The following TRMT9B variants were observed in gnomAD, a reference collection of about 807,000 sequenced individuals.
The protein encoded by TRMT9B is tRNA methyltransferase 9B (putative).
Under a neutral mutation model 11.5 loss-of-function variants are expected in TRMT9B, and 16 were observed. That is an observed-to-expected ratio of 1.39 (90% CI 0.94 to 2.11). TRMT9B has a LOEUF of 2.11. TRMT9B is among the 30% of genes most tolerant of loss of function. TRMT9B has a pLI of 0.00. For missense variants in TRMT9B, 941 were observed against 553.8 expected, an observed-to-expected ratio of 1.70 and a Z score of -7.02; for synonymous variants, 274 against 192.4, an observed-to-expected ratio of 1.42 and a Z score of -3.51.
At chr8:13,016,092 G>T in intron 4 of TRMT9B, among the ~76,000 whole-genome samples, 1 of 143,136 alleles carries the variant, frequency 7.0e-6, no homozygotes. Flanking sequence ...AAAATCATAT[G>T]GGTATATATA....
chr8:12,992,587 C>G (rs1807559395), intron 2 of TRMT9B, among the ~76,000 whole-genome samples: 1 of 152,026 alleles, frequency 6.6e-6, no homozygotes, highest in South Asian at 2.1e-4. Flanking sequence ...CACAGTGGCT[C>G]ATGCTTGCAA....
At chr8:12,949,926 C>G (rs965245297) in intron 1 of TRMT9B, among the ~76,000 whole-genome samples, 1 of 152,140 alleles carries the variant, frequency 6.6e-6, no homozygotes, top group Admixed American at 6.6e-5. Flanking sequence ...AAGCACAGCT[C>G]ACTGCAACTT....
At chr8:13,009,786 A>G (rs909844644) in intron 3 of TRMT9B, among the ~76,000 whole-genome samples, 19 of 152,208 alleles carry the variant, frequency 1.2e-4, no homozygotes, top group African/African-American at 4.1e-4. Context: ...TAATAGTGCC[A>G]TATTAACATT....
chr8:12,967,661 CT>C (rs1803010487), intron 1 of TRMT9B, among the ~76,000 whole-genome samples: 1 of 152,130 alleles, frequency 6.6e-6, no homozygotes, highest in African/African-American at 2.4e-5. Context: ...TTCAATTTTT[CT>C]TTTTAAGTGA....
At chr8:12,950,537 T>TTTTC (rs59371113) in intron 1 of TRMT9B, among the ~76,000 whole-genome samples, 2,205 of 149,472 alleles carry the variant, frequency 0.015, 71 homozygotes, top group African/African-American at 0.045. Flanking sequence ...ACTCGTGGTT[T>TTTTC]TTTCTTTCTT....
chr8:12,956,019 A>G (rs1008824367), intron 1 of TRMT9B, among the ~76,000 whole-genome samples: 4 of 152,194 alleles, frequency 2.6e-5, no homozygotes, highest in African/African-American at 9.6e-5. Context: ...TGGTGACTGA[A>G]CATTGCTACC....
chr8:12,953,738 C>T (rs11985264), intron 1 of TRMT9B, among the ~76,000 whole-genome samples: 7,834 of 152,106 alleles, frequency 0.052, 251 homozygotes, highest in African/African-American at 0.079. Context: ...GTGAGTGGTG[C>T]CTTAGAGTTG....
chr8:12,974,191 C>G (rs1018372082), intron 1 of TRMT9B, among the ~76,000 whole-genome samples: 7 of 151,814 alleles, frequency 4.6e-5, no homozygotes, highest in African/African-American at 1.5e-4. Flanking sequence ...AAGAAAAGGA[C>G]TTTTCTGGCT....
chr8:12,963,346 T>C (rs1802387485), intron 1 of TRMT9B, among the ~76,000 whole-genome samples: 1 of 152,134 alleles, frequency 6.6e-6, no homozygotes, highest in South Asian at 2.1e-4. Context: ...GGCAGGAGAA[T>C]TGCTTGAACC....
intron 4 of TRMT9B, among the ~76,000 whole-genome samples, chr8:13,020,158 C>A (rs1813546717): frequency 1.3e-5 from 2 of 152,178 alleles, no homozygotes; most frequent in African/African-American, 4.8e-5. Flanking sequence ...TCTGCCCTCA[C>A]AGCTCATATC....
At chr8:13,004,728 T>C (rs905103977) in intron 2 of TRMT9B, among the ~76,000 whole-genome samples, 3 of 152,044 alleles carry the variant, frequency 2.0e-5, no homozygotes, top group Non-Finnish European at 4.4e-5. Context: ...CAGATGCGAC[T>C]TAGCACATTC....
chr8:12,968,946 T>G (rs1365153545), intron 1 of TRMT9B, among the ~76,000 whole-genome samples: 1 of 152,182 alleles, frequency 6.6e-6, no homozygotes, highest in African/African-American at 2.4e-5. Context: ...GTGAGGTGGC[T>G]CATGCCTGTA....
intron 2 of TRMT9B, among the ~76,000 whole-genome samples, chr8:13,005,299 C>G (rs142233389): frequency 1.3e-5 from 2 of 151,712 alleles, no homozygotes; most frequent in African/African-American, 4.8e-5. Context: ...CAAAGCGTAG[C>G]GGGGAGGTGG....
intron 4 of TRMT9B, among the ~76,000 whole-genome samples, chr8:13,018,616 A>T (rs1212298463): frequency 6.6e-6 from 1 of 152,224 alleles, no homozygotes; most frequent in Non-Finnish European, 1.5e-5. Flanking sequence ...TAATAAATTC[A>T]GTGGAATATA....
At chr8:12,973,767 A>T (rs1803991971) in intron 1 of TRMT9B, among the ~76,000 whole-genome samples, 1 of 152,182 alleles carries the variant, frequency 6.6e-6, no homozygotes, top group Non-Finnish European at 1.5e-5. Flanking sequence ...CCAGTGAAAG[A>T]TTCCATGAGA....
At chr8:12,977,084 T>C (rs1369064816) in intron 1 of TRMT9B, among the ~76,000 whole-genome samples, 1 of 152,034 alleles carries the variant, frequency 6.6e-6, no homozygotes, top group Non-Finnish European at 1.5e-5. Flanking sequence ...AAAGAGAAAA[T>C]TCAAATGCAG....
intron 1 of TRMT9B, among the ~76,000 whole-genome samples, chr8:12,955,338 G>A (rs1387442091): frequency 6.6e-6 from 1 of 152,152 alleles, no homozygotes; most frequent in Non-Finnish European, 1.5e-5. Flanking sequence ...TGAGGTGGTA[G>A]GGGAAGGAGG....
rs1352435149 is a variant in TRMT9B at position 13,027,348 on chromosome 8, G to T, written c.*5304G>T. On this transcript the variant is annotated 3_prime_UTR_variant, in exon 5 of 5. Coordinates refer to ENST00000524591, the MANE Select transcript of TRMT9B (RefSeq NM_020844.3). ...GAAAACAACAAACAACCCTCCCTTA[G>T]AGAATCATGATGCATATTAGCATAT... The T allele has an allele frequency of 1.8e-5, 3 of 167,002 alleles. No individual in the cohort carries two copies. The highest frequency in any genetic ancestry group is 2.9e-5 in the Non-Finnish European group (2 of 68,112). The allele number at this position is 167,002 out of a possible 1,614,324, so 10.3% of individuals were successfully genotyped here. A position where few individuals can be genotyped will look rare whatever the true frequency, so the allele number is the denominator to read the frequency against.
chr8:12,989,124 G>T (rs1188019359), intron 1 of TRMT9B, among the ~76,000 whole-genome samples: 2 of 151,696 alleles, frequency 1.3e-5, no homozygotes, highest in Admixed American at 6.6e-5. Flanking sequence ...GCCATGGTTT[G>T]TGGTGCTGAC....
Sources: gnomAD v4.1 joint callset for allele counts (sites outside exome capture counted in the v4.1 genomes callset) on GRCh38, gnomAD v4.1.1 for gene constraint, MANE v1.5 for transcripts, NCBI Gene and HGNC (gene_info 2026-07-23, HGNC 2026-07-21) for gene names.